TOM1L2: variants seen among roughly 807,000 people sequenced by gnomAD.
The protein encoded by TOM1L2 is target of myb1 like 2 membrane trafficking protein.
In TOM1L2, 31 loss-of-function variants were observed where a neutral mutation model predicts 67.9. The ratio of observed to expected loss-of-function variants is 0.46; its 90% CI spans 0.34 to 0.62. The LOEUF (loss-of-function observed/expected upper bound fraction) is 0.62, where lower values mean the gene tolerates loss of function less well. TOM1L2 is among the 20% of genes least tolerant of loss of function. TOM1L2 has a pLI of 0.01. For missense variants in TOM1L2, 606 were observed against 663.5 expected (o/e 0.91, Z 0.95); for synonymous variants, 256 against 254.0 (o/e 1.01, Z -0.07).
intron 1 of TOM1L2, among the ~76,000 whole-genome samples, chr17:17,943,420 C>G (rs529139157): frequency 6.6e-6 from 1 of 152,318 alleles, no homozygotes; most frequent in Admixed American, 6.5e-5. Flanking sequence ...AGGGCTGAAT[C>G]CTGCTGCCTG....
At chr17:17,893,430 G>A (rs908632692) in intron 4 of TOM1L2, among the ~76,000 whole-genome samples, 48 of 152,244 alleles carry the variant, frequency 3.2e-4, no homozygotes, top group Non-Finnish European at 5.0e-4. Context: ...GCAGCAGAGG[G>A]ATGGCACCCA....
intron 1 of TOM1L2, among the ~76,000 whole-genome samples, chr17:17,946,063 C>T (rs1316274555): frequency 1.3e-5 from 2 of 150,784 alleles, no homozygotes; most frequent in South Asian, 2.2e-4. Context: ...TTTGGTAAGA[C>T]GGGGTTTCAT....
At chr17:17,877,336 T>C (rs778410649) in intron 7 of TOM1L2, among the ~76,000 whole-genome samples, 18 of 152,260 alleles carry the variant, frequency 1.2e-4, no homozygotes, top group Non-Finnish European at 2.4e-4. Context: ...GAGCAGCTTC[T>C]GTTGGTGGGA....
intron 12 of TOM1L2, among the ~76,000 whole-genome samples, chr17:17,852,864 TAAAAAAAAAAAAAAAA>T (rs552138706): frequency 2.7e-5 from 1 of 37,728 alleles, no homozygotes; most frequent in African/African-American, 1.0e-4. Flanking sequence ...AAACTCTGTC[TAAAAAAAAAAAAAAAA>T]AAAAAAAAAA....
At chr17:17,971,103 T>C (rs2042057229) in intron 1 of TOM1L2, among the ~76,000 whole-genome samples, 1 of 152,096 alleles carries the variant, frequency 6.6e-6, no homozygotes. Context: ...ATCCCCCCTA[T>C]AGGATTAACA....
At chr17:17,924,755 A>ACCCT (rs1325320022) in intron 1 of TOM1L2, among the ~76,000 whole-genome samples, 1 of 152,190 alleles carries the variant, frequency 6.6e-6, no homozygotes, top group Non-Finnish European at 1.5e-5. Context: ...ACAGAGTGAG[A>ACCCT]CCCTGCCTCA....
chr17:17,858,805 T>A (rs573179599), intron 12 of TOM1L2: 32 of 152,262 alleles, frequency 2.1e-4, no homozygotes, highest in African/African-American at 7.5e-4. Flanking sequence ...ACGGTCTCAA[T>A]CTCCTGACCT....
At chr17:17,924,640 T>C (rs554570794) in intron 1 of TOM1L2, among the ~76,000 whole-genome samples, 1 of 152,222 alleles carries the variant, frequency 6.6e-6, no homozygotes, top group South Asian at 2.1e-4. Context: ...GGTACATGCC[T>C]GTAGTCCCCA....
chr17:17,952,689 C>G (rs2041262272), intron 1 of TOM1L2, among the ~76,000 whole-genome samples: 1 of 151,946 alleles, frequency 6.6e-6, no homozygotes, highest in Non-Finnish European at 1.5e-5. Context: ...GCCACCACAC[C>G]CAGCCTATAT....
Position 17,869,478 on chromosome 17 carries a change from G to T in TOM1L2, c.778-5C>A, listed in dbSNP as rs757287930. 2 of 1,601,660 alleles carry T rather than the reference G, an allele frequency of 1.2e-6. No individual in the cohort carries two copies. The highest frequency in any genetic ancestry group is 1.7e-5 in the Admixed American group (1 of 59,124). ...CCGACAGGTCCTGTTGAGCTCCTAGGGAACACATGCACCTCTGGGTAGCCT... is the reference window on the plus strand; with the variant it reads ...CCGACAGGTCCTGTTGAGCTCCTAGTGAACACATGCACCTCTGGGTAGCCT... On this transcript the variant is annotated splice_region_variant and splice_polypyrimidine_tract_variant and intron_variant, in intron 7 of 14. Transcript: ENST00000379504.
At chr17:17,852,563 G>T (rs1472178596) in intron 12 of TOM1L2, among the ~76,000 whole-genome samples, 1 of 152,168 alleles carries the variant, frequency 6.6e-6, no homozygotes, top group Non-Finnish European at 1.5e-5. Context: ...GACTTACTGG[G>T]GAGTTAAGAA....
At chr17:17,928,156 C>A (rs1453748144) in intron 1 of TOM1L2, among the ~76,000 whole-genome samples, 20 of 150,046 alleles carry the variant, frequency 1.3e-4, no homozygotes, top group African/African-American at 1.2e-4. Context: ...TTTTCTGTAA[C>A]AACAAAAAAA....
At chr17:17,895,857 G>T (rs909863466) in intron 3 of TOM1L2, among the ~76,000 whole-genome samples, 2 of 152,160 alleles carry the variant, frequency 1.3e-5, no homozygotes, top group Non-Finnish European at 2.9e-5. Flanking sequence ...GGAAGCTGAG[G>T]ATCAGAGGTA....
intron 1 of TOM1L2, among the ~76,000 whole-genome samples, chr17:17,913,399 C>T (rs370788824): frequency 2.6e-5 from 4 of 151,888 alleles, no homozygotes; most frequent in African/African-American, 4.8e-5. Context: ...GAGCAGATGC[C>T]GGGCCATCCT....
intron 1 of TOM1L2, among the ~76,000 whole-genome samples, chr17:17,972,060 C>T (rs763600521): frequency 1.6e-4 from 24 of 151,206 alleles, no homozygotes; most frequent in Non-Finnish European, 2.7e-4. Context: ...CCAGGATGCC[C>T]AGCCCGCCCG....
At chr17:17,913,877 CTG>C (rs1173458933) in intron 1 of TOM1L2, among the ~76,000 whole-genome samples, 1 of 152,212 alleles carries the variant, frequency 6.6e-6, no homozygotes, top group Non-Finnish European at 1.5e-5. Context: ...CCTCCCAAGA[CTG>C]TATCCCTTGT....
chr17:17,945,930 A>G (rs1184164696), intron 1 of TOM1L2, among the ~76,000 whole-genome samples: 1 of 152,096 alleles, frequency 6.6e-6, no homozygotes, highest in Admixed American at 6.5e-5. Context: ...GTGCAGTGGC[A>G]CAATCATGGC....
chr17:17,947,304 A>G (rs989151741), intron 1 of TOM1L2, among the ~76,000 whole-genome samples: 5 of 152,008 alleles, frequency 3.3e-5, no homozygotes, highest in African/African-American at 1.2e-4. Flanking sequence ...GATTATAGAC[A>G]TGAGCCACCG....
chr17:17,929,376 G>C (rs1299116003), intron 1 of TOM1L2, among the ~76,000 whole-genome samples: 1 of 152,142 alleles, frequency 6.6e-6, no homozygotes, highest in African/African-American at 2.4e-5. Flanking sequence ...GGTGGCTCAC[G>C]CCTGTAATCC....
Sources: allele counts gnomAD v4.1 joint callset (sites outside exome capture counted in the v4.1 genomes callset), GRCh38; gene constraint gnomAD v4.1.1; transcripts MANE v1.5; gene names NCBI Gene and HGNC (gene_info 2026-07-23, HGNC 2026-07-21).